Variants in ZFHX3 observed in about 807,000 individuals in gnomAD.
The protein encoded by ZFHX3 is zinc finger homeobox 3.
Under a neutral mutation model 279.1 loss-of-function variants are expected in ZFHX3, and 42 were observed. The ratio of observed to expected loss-of-function variants is 0.15; its 90% confidence interval spans 0.12 to 0.19. The LOEUF (loss-of-function observed/expected upper bound fraction) is 0.19, where lower values mean the gene tolerates loss of function less well. Among genes scored for constraint, ZFHX3 ranks in the 10% least tolerant of loss-of-function variants. ZFHX3 has a pLI of 1.00. For missense variants in ZFHX3, 4,981 were observed against 4,754.0 expected, an observed-to-expected ratio of 1.05 and a Z score of -1.40; for synonymous variants, 2,293 against 1,957.8, an observed-to-expected ratio of 1.17 and a Z score of -4.52.
intron 4 of ZFHX3, among the ~76,000 whole-genome samples, chr16:72,864,792 A>G (rs2037972438): frequency 6.6e-6 from 1 of 152,222 alleles, no homozygotes; most frequent in Admixed American, 6.5e-5. Context: ...GCCATCAATC[A>G]TCTACATAGC....
At chr16:72,829,540 G>A (rs905121907) in intron 5 of ZFHX3, 3 of 484,848 alleles carry the variant, frequency 6.2e-6, no homozygotes, top group Non-Finnish European at 1.1e-5. Context: ...GCTGGCTTTG[G>A]TGCCACTTAA....
intron 4 of ZFHX3, among the ~76,000 whole-genome samples, chr16:72,884,629 C>CAGGAGG (rs562254353): frequency 7.9e-5 from 12 of 152,104 alleles, no homozygotes; most frequent in Non-Finnish European, 1.3e-4. Flanking sequence ...AGAGAGAAAA[C>CAGGAGG]AGGAGGAGGA....
intron 1 of ZFHX3, among the ~76,000 whole-genome samples, chr16:73,860,097 A>G (rs1028430375): frequency 2.0e-5 from 3 of 152,222 alleles, no homozygotes; most frequent in African/African-American, 7.2e-5. Flanking sequence ...CAAAGACACA[A>G]TAGCAAAGAA....
intron 4 of ZFHX3, among the ~76,000 whole-genome samples, chr16:72,849,710 T>C (rs1046822368): frequency 6.6e-6 from 1 of 152,008 alleles, no homozygotes; most frequent in South Asian, 2.1e-4. Flanking sequence ...GCATATCAAT[T>C]AATGCAATCA....
intron 1 of ZFHX3, among the ~76,000 whole-genome samples, chr16:72,985,016 G>A (rs947694741): frequency 1.3e-5 from 2 of 151,726 alleles, no homozygotes; most frequent in African/African-American, 2.4e-5. Flanking sequence ...CAACACACAC[G>A]TACCCCTACC....
At chr16:73,434,811 T>C (rs2017969432) in intron 3 of ZFHX3, among the ~76,000 whole-genome samples, 1 of 152,114 alleles carries the variant, frequency 6.6e-6, no homozygotes, top group Non-Finnish European at 1.5e-5. Context: ...TGGGTCTGAC[T>C]GAGGTACCCA....
Position 72,788,031 on chromosome 16 carries a change from G to C in ZFHX3, c.10245C>G (p.Ala3415=), listed in dbSNP as rs1490301776. Reference sequence around the variant, plus strand: ...GTTCTTCTGGTTTGGGGGATTCTTTGGCAGGGTCTTTGTCTGGGGAAGGAG... The same window carrying C: ...GTTCTTCTGGTTTGGGGGATTCTTTCGCAGGGTCTTTGTCTGGGGAAGGAG... ...PGAPSPDKDP[A]KESPKPEEQK... is the part of the protein sequence containing the mutation. The change falls in exon 10 of 10, where the codon GCC becomes GCG. Residue 3415 remains alanine (A), a synonymous_variant. Transcript: ENST00000268489. 2 of 1,613,032 alleles carry C rather than the reference G, an allele frequency of 1.2e-6. No individual in the cohort carries two copies. Among genetic ancestry groups the C allele is most frequent in the African/African-American group, 1.3e-5 (1 of 74,900 alleles).
Position 72,959,324 on chromosome 16 carries a change from G to A in ZFHX3, c.822C>T (p.Leu274=). 6.2e-7 allele frequency: 1 copy of A among 1,614,226 alleles called. No homozygotes were observed. Among genetic ancestry groups the A allele is most frequent in the Non-Finnish European group, 8.5e-7 (1 of 1,180,046 alleles). Residue 274 remains leucine (L), a synonymous_variant, in exon 2 of 10, where the codon CTC becomes CTT. Coordinates refer to ENST00000268489, the MANE Select transcript of ZFHX3 (RefSeq NM_006885.4). The stretch of plus-strand genomic sequence containing the variant: ...TCAGGATGGGCTTCCTCTTGCCATA[G>A]AGCACAAAGCCATCGAATTTGGACA... ...VDLSKFDGFV[L]YGKRKPILMC... is the part of the protein sequence containing the mutation.
intron 4 of ZFHX3, among the ~76,000 whole-genome samples, chr16:72,845,686 G>A (rs1214706890): frequency 6.6e-6 from 1 of 152,098 alleles, no homozygotes; most frequent in Admixed American, 6.5e-5. Flanking sequence ...AAACACTGAC[G>A]ACTTTCCCTT....
At chr16:73,328,397 A>G in intron 3 of ZFHX3, among the ~76,000 whole-genome samples, 1 of 152,212 alleles carries the variant, frequency 6.6e-6, no homozygotes, top group African/African-American at 2.4e-5. Flanking sequence ...ATTGCATTCC[A>G]CAAGACACTA....
At chr16:72,960,817 A>T (rs1961542683) in intron 1 of ZFHX3, among the ~76,000 whole-genome samples, 1 of 152,178 alleles carries the variant, frequency 6.6e-6, no homozygotes, top group Non-Finnish European at 1.5e-5. Context: ...TTCACAGGGC[A>T]GGTGTACAGG....
rs1214130941 is a variant in ZFHX3, at chr16:72,950,844, G to A, written c.2841C>T (p.Cys947=). The A allele has an allele frequency of 3.1e-6, 5 of 1,613,978 alleles. No homozygotes were observed. The highest frequency in any genetic ancestry group is 3.4e-6 in the Non-Finnish European group (4 of 1,180,064). Residue 947 remains cysteine (C), a synonymous_variant, in exon 3 of 10, where the codon TGC becomes TGT. Coordinates refer to ENST00000268489, the MANE Select transcript of ZFHX3 (RefSeq NM_006885.4). The stretch of plus-strand genomic sequence containing the variant: ...CCGTCGTGAACTTGTTGCAGACGGC[G>A]CACTGGAAGAGCTTCAGCGACGGGT... ...TNDPSLKLFQ[C]AVCNKFTTDN...
chr16:73,849,813 A>G (rs1412974642), intron 1 of ZFHX3, among the ~76,000 whole-genome samples: 1 of 152,080 alleles, frequency 6.6e-6, no homozygotes, highest in Non-Finnish European at 1.5e-5. Flanking sequence ...GCTCACTGCA[A>G]CCTCCACCTC....
At chr16:73,302,363 G>A (rs1276918889) in intron 4 of ZFHX3, among the ~76,000 whole-genome samples, 1 of 151,578 alleles carries the variant, frequency 6.6e-6, no homozygotes, top group Non-Finnish European at 1.5e-5. Context: ...CTTCTCTCAA[G>A]AGCAGCCTAT....
At chr16:73,432,821 C>A (rs1410585085) in intron 3 of ZFHX3, among the ~76,000 whole-genome samples, 1 of 152,174 alleles carries the variant, frequency 6.6e-6, no homozygotes, top group African/African-American at 2.4e-5. Context: ...AGAGGCTACA[C>A]AAGGCTCCGG....
chr16:73,482,434 T>G (rs540216250), intron 2 of ZFHX3, among the ~76,000 whole-genome samples: 1 of 152,232 alleles, frequency 6.6e-6, no homozygotes, highest in South Asian at 2.1e-4. Flanking sequence ...TCCCTTCTTT[T>G]GCAGGGCTGA....
At chr16:73,627,006 A>T (rs2052423304) in intron 2 of ZFHX3, among the ~76,000 whole-genome samples, 2 of 152,184 alleles carry the variant, frequency 1.3e-5, no homozygotes, top group African/African-American at 4.8e-5. Flanking sequence ...AAACACACCC[A>T]TCATTATATT....
intron 6 of ZFHX3, among the ~76,000 whole-genome samples, chr16:73,139,154 A>G (rs1431172548): frequency 6.6e-6 from 1 of 152,236 alleles, no homozygotes; most frequent in African/African-American, 2.4e-5. Context: ...TGTTTACAAC[A>G]TCACTGCTCA....
intron 2 of ZFHX3, among the ~76,000 whole-genome samples, chr16:73,466,072 T>C (rs1446489584): frequency 1.3e-5 from 2 of 151,956 alleles, no homozygotes; most frequent in African/African-American, 4.8e-5. Flanking sequence ...AAAAACATTG[T>C]CATAGGAAAC....
Sources: allele counts gnomAD v4.1 joint callset (sites outside exome capture counted in the v4.1 genomes callset), GRCh38; gene constraint gnomAD v4.1.1; transcripts MANE v1.5; gene names NCBI Gene and HGNC (gene_info 2026-07-23, HGNC 2026-07-21).